Variants in BOC observed in about 807,000 individuals in gnomAD.
BOC encodes the protein BOC cell adhesion associated, oncogene regulated.
BOC carries 76 observed loss-of-function variants against 112.0 expected under a neutral mutation model. The observed-to-expected ratio is 0.68, with a 90% CI of 0.56 to 0.82. BOC has a LOEUF of 0.82. Among genes scored for constraint, BOC ranks in the 40% least tolerant of loss-of-function variants. The pLI, the probability that BOC is intolerant of heterozygous loss-of-function variation, is 0.00. For missense variants in BOC, 1,309 were observed against 1,511.7 expected (o/e 0.87, Z 2.22); for synonymous variants, 580 against 599.8 (o/e 0.97, Z 0.48).
At chr3:113,272,757 G>A (rs939189176) in intron 7 of BOC, 54 bp downstream of exon 7, 2 of 1,580,270 alleles carry the variant, frequency 1.3e-6, no homozygotes, top group Non-Finnish European at 8.6e-7. Context: ...GGTCTGTGCA[G>A]CCTTTCTAGA....
At chr3:113,220,512 G>A (rs114202543) in intron 2 of BOC, among the ~76,000 whole-genome samples, 2,376 of 152,248 alleles carry the variant, frequency 0.016, 63 homozygotes, top group African/African-American at 0.054. Context: ...TGGGAGAGGC[G>A]TTCCTCTAAA....
chr3:113,245,366 C>T (rs886322452), intron 2 of BOC, among the ~76,000 whole-genome samples: 1 of 152,156 alleles, frequency 6.6e-6, no homozygotes, highest in Non-Finnish European at 1.5e-5. Flanking sequence ...GATCCTCCTA[C>T]CTCAGCCTCC....
intron 4 of BOC, among the ~76,000 whole-genome samples, chr3:113,259,022 G>A (rs1003245209): frequency 6.6e-6 from 1 of 152,166 alleles, no homozygotes; most frequent in African/African-American, 2.4e-5. Context: ...CTGATATTCT[G>A]GTGAAATCTT....
chr3:113,280,782 C>A, intron 14 of BOC, 119 bp downstream of exon 14: 2 of 920,062 alleles, frequency 2.2e-6, no homozygotes, highest in Non-Finnish European at 1.7e-6. Context: ...TGACACGAAG[C>A]TCTAAGCTCC....
chr3:113,261,190 C>T (rs565805286), intron 4 of BOC, among the ~76,000 whole-genome samples: 10 of 152,290 alleles, frequency 6.6e-5, no homozygotes, highest in Admixed American at 1.3e-4. Flanking sequence ...CCTCAGCCTC[C>T]GCTTTCTCTC....
chr3:113,221,291 G>A (rs1940593157), intron 2 of BOC, among the ~76,000 whole-genome samples: 1 of 152,208 alleles, frequency 6.6e-6, no homozygotes, highest in Non-Finnish European at 1.5e-5. Context: ...GCAGCTAGAA[G>A]GATGAGCAGG....
chr3:113,215,198 G>T lies in BOC; in HGVS notation c.-169-989G>T, dbSNP rs184345174. ...GGTTGACTCAAATATTTGGGGTTAG[G>T]GGGTGGGATGGGAGAGGGTGTTTGT... On this transcript the variant is annotated intron_variant, in intron 1 of 19. Coordinates refer to ENST00000682979, the MANE Select transcript of BOC (RefSeq NM_001378074.1). 5.6e-3 allele frequency among the ~76,000 whole-genome samples: 847 copies of T among 152,328 alleles called. 5 individuals are homozygous for T. Among genetic ancestry groups the T allele is most frequent in the Middle Eastern group, 0.017 (5 of 294 alleles).
intron 4 of BOC, among the ~76,000 whole-genome samples, chr3:113,258,260 G>A (rs1328161094): frequency 6.6e-6 from 1 of 152,056 alleles, no homozygotes; most frequent in African/African-American, 2.4e-5. Flanking sequence ...TCAGTTTCTC[G>A]GATGGCACCG....
chr3:113,249,998 A>G (rs1945410766), intron 3 of BOC, 99 bp downstream of exon 3: 1 of 1,010,938 alleles, frequency 9.9e-7, no homozygotes, highest in African/African-American at 1.6e-5. Flanking sequence ...CCTGGATTTC[A>G]AAGAACACTT....
In BOC at chr3:113,270,809, CTGATCA is replaced by C; in HGVS notation, c.535_540del (p.Ile179_Met180del). 6.2e-7 allele frequency: 1 copy of C among 1,611,670 alleles called. No individual in the cohort carries two copies. The highest frequency in any genetic ancestry group is 1.1e-5 in the South Asian group (1 of 90,622). The stretch of plus-strand genomic sequence containing the variant: ...CCCTGCCCTTTCCACAGGTAACTAC[CTGATCA>C]TGCCCTCAGGGAACCTCCAGATTGT... On this transcript the variant is annotated inframe_deletion, in exon 6 of 20. Transcript: ENST00000682979.
Position 113,274,268 on chromosome 3 carries a change from G to T in BOC, c.1235-107G>T. On this transcript the variant is annotated intron_variant, in intron 8 of 19. Coordinates refer to ENST00000682979, the MANE Select transcript of BOC (RefSeq NM_001378074.1). The surrounding 1 kb of genome is among the most constrained non-coding windows in gnomAD (Gnocchi z 4.8). ...GTGGGTGGCGGTACAGCTGATGGTG[G>T]GCCCAGGTTGCCTCTCTGTCTTCTT... is the stretch of plus-strand genomic sequence containing the variant. 9.2e-7 allele frequency: 1 copy of T among 1,087,970 alleles called. No homozygotes were observed. Among genetic ancestry groups the T allele is most frequent in the Non-Finnish European group, 1.3e-6 (1 of 789,678 alleles). 67.4% of individuals were successfully genotyped at this position (1,087,970 alleles called of 1,614,324 possible).
chr3:113,232,154 G>A (rs1559815309), intron 2 of BOC, among the ~76,000 whole-genome samples: 1 of 152,100 alleles, frequency 6.6e-6, no homozygotes, highest in Non-Finnish European at 1.5e-5. Flanking sequence ...CCCACACTTT[G>A]CTCCTGCTGT....
At chr3:113,248,485 T>C (rs2107362523) in intron 2 of BOC, among the ~76,000 whole-genome samples, 1 of 152,338 alleles carries the variant, frequency 6.6e-6, no homozygotes, top group Middle Eastern at 3.4e-3. Flanking sequence ...AGAAATATAC[T>C]ATTAATATTG....
chr3:113,251,742 C>A (rs1945666827), intron 4 of BOC: 1 of 152,194 alleles, frequency 6.6e-6, no homozygotes, highest in Admixed American at 6.5e-5. Flanking sequence ...AATTCCATTT[C>A]CATGTGCTCA....
chr3:113,281,179 T>C (rs199562951), intron 15 of BOC, 26 bp downstream of exon 15: 3 of 1,611,494 alleles, frequency 1.9e-6, no homozygotes, highest in South Asian at 1.1e-5. Context: ...TTCTCTCTCC[T>C]GTCTTGGTGT....
rs190636851 is a variant in BOC at position 113,279,752 on chromosome 3, G to T, written c.2024-72G>T. ...CCCAGAAGACCCCTCCAGGTCCTGGGCCTTGAAAGGCCATGGGAGAATCAG... is the reference window on the plus strand; with the variant it reads ...CCCAGAAGACCCCTCCAGGTCCTGGTCCTTGAAAGGCCATGGGAGAATCAG... On this transcript the variant is annotated intron_variant, in intron 12 of 19. Coordinates refer to ENST00000682979, the MANE Select transcript of BOC (RefSeq NM_001378074.1). The T allele has an allele frequency of 3.0e-4, 448 of 1,484,836 alleles. 2 individuals carry two copies. The East Asian group carries it at 9.5e-3, about 32-fold the overall frequency. The allele number at this position is 1,484,836 out of a possible 1,614,324, so 92.0% of individuals were successfully genotyped here. A position where few individuals can be genotyped will look rare whatever the true frequency, so the allele number is the denominator to read the frequency against.
intron 2 of BOC, among the ~76,000 whole-genome samples, chr3:113,245,806 C>G (rs996106744): frequency 3.3e-5 from 5 of 152,232 alleles, no homozygotes; most frequent in Non-Finnish European, 5.9e-5. Flanking sequence ...TCCTATTCAG[C>G]TCACCTTTGT....
At chr3:113,283,782 C>T (rs922866726) in intron 16 of BOC, 150 bp downstream of exon 16, 20 of 709,908 alleles carry the variant, frequency 2.8e-5, no homozygotes, top group African/African-American at 2.5e-4. Context: ...CGACTGGGCC[C>T]CTCCCCCAGC....
chr3:113,216,244 G>T lies in BOC; in HGVS notation c.-112G>T, dbSNP rs115431058. 1 of 456,568 alleles carries T rather than the reference G, an allele frequency of 2.2e-6. No individual in the cohort carries two copies. The highest frequency in any genetic ancestry group is 4.4e-6 in the Non-Finnish European group (1 of 226,946). The allele number at this position is 456,568 out of a possible 1,614,324, so 28.3% of individuals were successfully genotyped here. ...ATGAAGTCTTGTCGACATTTATACC[G>T]TCTGAGGGTAGCAGCTCGAAAGTAG... On this transcript the variant is annotated 5_prime_UTR_variant, in exon 2 of 20. Coordinates refer to ENST00000682979, the MANE Select transcript of BOC (RefSeq NM_001378074.1).
Sources: gnomAD v4.1 joint callset for allele counts (sites outside exome capture counted in the v4.1 genomes callset) on GRCh38, gnomAD v4.1.1 for gene constraint, Gnocchi (gnomAD v3.1) non-coding constraint, MANE v1.5 for transcripts, NCBI Gene and HGNC (gene_info 2026-07-23, HGNC 2026-07-21) for gene names.